Variants in NAV3 observed in about 807,000 individuals in gnomAD.
NAV3 encodes pore membrane and/or filament interacting like protein 1.
Under a neutral mutation model 244.7 loss-of-function variants are expected in NAV3, and 87 were observed. The ratio of observed to expected loss-of-function variants is 0.36; its 90% confidence interval spans 0.30 to 0.42. The LOEUF (loss-of-function observed/expected upper bound fraction) is 0.42. Among genes scored for constraint, NAV3 ranks in the 20% least tolerant of loss-of-function variants. The pLI, the probability that NAV3 is intolerant of heterozygous loss-of-function variation, is 1.00. For missense variants in NAV3, 2,663 were observed against 2,893.3 expected (o/e 0.92, Z 1.83); for synonymous variants, 1,126 against 1,042.2 (o/e 1.08, Z -1.55).
chr12:77,983,152 A>T (rs1181383376), intron 5 of NAV3, among the ~76,000 whole-genome samples: 1 of 152,236 alleles, frequency 6.6e-6, no homozygotes, highest in African/African-American at 2.4e-5. Flanking sequence ...AATGTAAAGT[A>T]AAATTGCTTT....
intron 12 of NAV3, among the ~76,000 whole-genome samples, chr12:78,107,768 G>C (rs1377159258): frequency 1.3e-5 from 2 of 152,160 alleles, no homozygotes; most frequent in South Asian, 4.2e-4. Context: ...GAAACTAGTA[G>C]TGAAAGGACG....
intron 2 of NAV3, among the ~76,000 whole-genome samples, chr12:77,609,337 G>C (rs1870808730): frequency 6.6e-6 from 1 of 152,050 alleles, no homozygotes; most frequent in African/African-American, 2.4e-5. Flanking sequence ...AACTCCAGTA[G>C]TTCCAGAGCC....
At chr12:77,825,418 C>T (rs193036734) in intron 2 of NAV3, among the ~76,000 whole-genome samples, 2 of 152,004 alleles carry the variant, frequency 1.3e-5, no homozygotes, top group African/African-American at 2.4e-5. Flanking sequence ...AACAGTAGCA[C>T]AAGAAAGTGA....
chr12:77,575,422 G>T (rs1269242441), intron 2 of NAV3, among the ~76,000 whole-genome samples: 1 of 151,992 alleles, frequency 6.6e-6, no homozygotes, highest in Non-Finnish European at 1.5e-5. Flanking sequence ...AGCTGGTATT[G>T]GGCCATAACC....
chr12:77,615,870 C>G (rs1871126468), intron 2 of NAV3, among the ~76,000 whole-genome samples: 1 of 152,152 alleles, frequency 6.6e-6, no homozygotes, highest in Non-Finnish European at 1.5e-5. Flanking sequence ...CATTTCATTT[C>G]AACATCATCT....
intron 39 of NAV3, 43 bp from the exon 40 acceptor site, chr12:78,210,355 C>A (rs1292674207): frequency 5.6e-6 from 9 of 1,611,864 alleles, no homozygotes; most frequent in Non-Finnish European, 5.9e-6. Flanking sequence ...CTGGCTTACT[C>A]AATGCATCAT....
rs1202033966 is a variant in NAV3 at position 78,023,644 on chromosome 12, G to A, written c.2023+1782G>A. 2.6e-5 allele frequency among the ~76,000 whole-genome samples: 4 copies of A among 152,134 alleles called. No homozygotes were observed. In the East Asian group the frequency reaches 7.7e-4, roughly 29 times the overall value. On this transcript the variant is annotated intron_variant, in intron 9 of 39. Coordinates refer to ENST00000397909, the MANE Select transcript of NAV3 (RefSeq NM_001024383.2). The stretch of plus-strand genomic sequence containing the variant: ...ATAGTGAAAATGTCTCTCGTTGCTT[G>A]AGATTTCCTGGAAGAATTGTGATAT...
At chr12:77,844,395 T>A (rs1876259368) in intron 1 of NAV3, among the ~76,000 whole-genome samples, 2 of 152,186 alleles carry the variant, frequency 1.3e-5, no homozygotes, top group South Asian at 4.1e-4. Context: ...TGTAAAGCTA[T>A]CACATTGGTG....
chr12:78,031,100 G>A (rs1878903040), intron 9 of NAV3, among the ~76,000 whole-genome samples: 1 of 152,190 alleles, frequency 6.6e-6, no homozygotes, highest in African/African-American at 2.4e-5. Context: ...TTCTGAGGAA[G>A]TTAGTCTTGC....
chr12:77,808,734 C>A (rs1048111667), intron 2 of NAV3, among the ~76,000 whole-genome samples: 1 of 152,222 alleles, frequency 6.6e-6, no homozygotes, highest in Non-Finnish European at 1.5e-5. Flanking sequence ...TCTTCAGAGA[C>A]GGCAAGCAGG....
intron 3 of NAV3, among the ~76,000 whole-genome samples, chr12:77,956,783 C>T (rs1178291724): frequency 1.3e-5 from 2 of 151,772 alleles, no homozygotes; most frequent in East Asian, 1.9e-4. Flanking sequence ...ACTCTGTCAC[C>T]CAGGCTGGAG....
chr12:77,671,472 A>C (rs1873969812), intron 2 of NAV3, among the ~76,000 whole-genome samples: 1 of 152,154 alleles, frequency 6.6e-6, no homozygotes, highest in African/African-American at 2.4e-5. Context: ...ACTAAGCAAA[A>C]ATAATAAATC....
chr12:78,159,171 T>A, intron 22 of NAV3, 32 bp from the exon 23 acceptor site: 1 of 1,588,992 alleles, frequency 6.3e-7, no homozygotes, highest in Non-Finnish European at 8.6e-7. Flanking sequence ...GATTCTGACA[T>A]TTAAACTATG....
At chr12:77,835,692 T>A (rs148608403) in intron 1 of NAV3, among the ~76,000 whole-genome samples, 95 of 152,336 alleles carry the variant, frequency 6.2e-4, no homozygotes, top group South Asian at 1.7e-3. Context: ...TATCAATTAT[T>A]TCAGTGATTC....
chr12:77,899,430 A>T (rs1228416246), intron 1 of NAV3, among the ~76,000 whole-genome samples: 3 of 152,208 alleles, frequency 2.0e-5, no homozygotes, highest in Admixed American at 2.0e-4. Context: ...GCAGCTGTTG[A>T]CCTTGAGAAA....
At position 78,095,075 on chromosome 12, in the gene NAV3, A is replaced by ATATATATG. The variant is rs1566123706; in HGVS notation, c.2637-21697_2637-21696insTATATATG. Among the ~76,000 whole-genome samples, 7 of 146,988 alleles carry ATATATATG rather than the reference A, an allele frequency of 4.8e-5. No homozygotes were observed. In the East Asian group the frequency reaches 7.9e-4, roughly 17 times the overall value. On this transcript the variant is annotated intron_variant, in intron 12 of 39. Coordinates refer to ENST00000397909, the MANE Select transcript of NAV3 (RefSeq NM_001024383.2). Reference sequence around the variant, plus strand: ...TATATATATATATATACACACACACACACACACACACACATATATATATAC... The same window carrying ATATATATG: ...TATATATATATATATACACACACACATATATATGCACACACACACACATATATATATAC...
At chr12:78,150,490 T>C (rs959017107) in intron 22 of NAV3, among the ~76,000 whole-genome samples, 1 of 130,910 alleles carries the variant, frequency 7.6e-6, no homozygotes, top group Non-Finnish European at 1.6e-5. Flanking sequence ...TATTTCACAT[T>C]TTTTTGTTTT....
chr12:77,918,658 C>T (rs1410599581), intron 1 of NAV3, among the ~76,000 whole-genome samples: 10 of 151,986 alleles, frequency 6.6e-5, no homozygotes, highest in Admixed American at 6.6e-4. Context: ...TGATATGGCT[C>T]TCAGCAAGCT....
intron 21 of NAV3, among the ~76,000 whole-genome samples, chr12:78,147,049 C>T (rs1050379943): frequency 1.3e-5 from 2 of 151,986 alleles, no homozygotes; most frequent in African/African-American, 4.8e-5. Flanking sequence ...TTGGTTTACA[C>T]TGAGGCAATC....
Sources: gnomAD v4.1 joint callset for allele counts (sites outside exome capture counted in the v4.1 genomes callset) on GRCh38, gnomAD v4.1.1 for gene constraint, MANE v1.5 for transcripts, NCBI Gene and HGNC (gene_info 2026-07-23, HGNC 2026-07-21) for gene names.